The following TUBB3 variants were observed in gnomAD, a reference collection of about 807,000 sequenced individuals.
TUBB3 encodes tubulin beta 3 class III, also known as tubulin beta-3 chain.
A neutral mutation model predicts 37.8 loss-of-function variants in TUBB3; 17 were observed. That is an observed-to-expected ratio of 0.45 (90% CI 0.31 to 0.67). The LOEUF (loss-of-function observed/expected upper bound fraction) is 0.67. Ranked by LOEUF, TUBB3 falls within the 30% of genes least tolerant of loss-of-function variation. TUBB3 has a pLI of 0.07. For synonymous variants in TUBB3, 332 were observed against 278.9 expected, an observed-to-expected ratio of 1.19 and a Z score of -1.90; for missense variants, 262 against 657.9, an observed-to-expected ratio of 0.40 and a Z score of 6.58.
chr16:89,922,220 C>G (rs2029907141), upstream of TUBB3: 2 of 152,382 alleles, frequency 1.3e-5, no homozygotes, highest in Admixed American at 1.3e-4. Context: ...GCCCTGTGCA[C>G]ACAGACCGGA....
chr16:89,931,665 C>G (rs1052727571), intron 1 of TUBB3: 1 of 167,132 alleles, frequency 6.0e-6, no homozygotes, highest in African/African-American at 2.4e-5. Flanking sequence ...CTCCTGTCAT[C>G]GTGCCCATTG....
chr16:89,935,290 A>T lies in TUBB3; in HGVS notation c.839A>T (p.Gln280Leu), dbSNP rs766694593. 2 of 1,613,720 alleles carry T rather than the reference A, an allele frequency of 1.2e-6. No homozygotes were observed. Among genetic ancestry groups the T allele is most frequent in the East Asian group, 4.5e-5 (2 of 44,878 alleles). The change falls in exon 4 of 4, where the codon CAG (glutamine) becomes CTG (leucine). Residue 280 changes from glutamine (Q) to leucine (L), a missense_variant. Physicochemically the swap from Gln to Leu is moderately radical, Grantham distance 113. Around this residue, in one of 3 missense-constraint regions of TUBB3, gnomAD observed 165 missense variants for 556.8 expected, o/e 0.30. Coordinates refer to ENST00000315491, the MANE Select transcript of TUBB3 (RefSeq NM_006086.4). ...CCCCTCACAGCCCGGGGCAGCCAGC[A>T]GTACCGGGCCCTGACCGTGCCCGAG... ...FAPLTARGSQ[Q>L]YRALTVPELT...
intron 1 of TUBB3, among the ~76,000 whole-genome samples, chr16:89,923,783 G>A (rs2029971121): frequency 6.6e-6 from 1 of 152,162 alleles, no homozygotes; most frequent in Admixed American, 6.5e-5. Flanking sequence ...GCCCTGTCTG[G>A]GCGTGGCCCT....
chr16:89,932,508 G>A (rs1464342428), intron 1 of TUBB3, 63 bp from the exon 2 acceptor site: 2 of 1,427,096 alleles, frequency 1.4e-6, no homozygotes, highest in South Asian at 2.3e-5. Flanking sequence ...GGCTTCACAA[G>A]GGAAAGGGCC....
intron 1 of TUBB3, among the ~76,000 whole-genome samples, chr16:89,925,080 C>G (rs1021344220): frequency 6.6e-6 from 1 of 152,210 alleles, no homozygotes; most frequent in African/African-American, 2.4e-5. Context: ...TGTGGTCCCA[C>G]AAGGCACTTG....
At chr16:89,923,930 G>A (rs940546177) in intron 1 of TUBB3, among the ~76,000 whole-genome samples, 1 of 152,130 alleles carries the variant, frequency 6.6e-6, no homozygotes, top group Non-Finnish European at 1.5e-5. Flanking sequence ...CCCCCGAGAG[G>A]CTAGAGCCGC....
chr16:89,927,612 C>T (rs895326582), intron 1 of TUBB3, among the ~76,000 whole-genome samples: 10 of 152,162 alleles, frequency 6.6e-5, no homozygotes, highest in Admixed American at 6.5e-4. Context: ...GGTTTTAAAA[C>T]TTTAAATAGT....
chr16:89,928,070 G>GT (rs1290132981), intron 1 of TUBB3, among the ~76,000 whole-genome samples: 35 of 149,476 alleles, frequency 2.3e-4, no homozygotes, highest in African/African-American at 7.8e-4. Flanking sequence ...GGACCTTTCT[G>GT]TATTTTTTTT....
chr16:89,924,850 C>T (rs1328900886), intron 1 of TUBB3, among the ~76,000 whole-genome samples: 2 of 151,992 alleles, frequency 1.3e-5, no homozygotes, highest in Non-Finnish European at 2.9e-5. Flanking sequence ...TGACAGCTGC[C>T]TTGGCCTGAT....
At chr16:89,934,313 TG>T (rs1356989363) in intron 3 of TUBB3, 3 of 475,874 alleles carry the variant, frequency 6.3e-6, no homozygotes, top group Admixed American at 4.6e-5. Flanking sequence ...GCTTCACTTC[TG>T]CCTTCCCGAC....
intron 1 of TUBB3, among the ~76,000 whole-genome samples, chr16:89,928,794 G>C (rs1380682475): frequency 1.3e-5 from 2 of 152,012 alleles, no homozygotes; most frequent in Admixed American, 1.3e-4. Context: ...AAAGTGCTAG[G>C]ACCACAGACA....
intron 1 of TUBB3, among the ~76,000 whole-genome samples, chr16:89,924,743 CCCAAGGAGACAGCTGTGCCTG>C (rs2030013727): frequency 6.6e-6 from 1 of 152,128 alleles, no homozygotes; most frequent in African/African-American, 2.4e-5. Flanking sequence ...ACTCTAATCA[CCCAAGGAGACAGCTGTGCCTG>C]CCAAGGAGAG....
intron 1 of TUBB3, among the ~76,000 whole-genome samples, chr16:89,930,915 C>T (rs754963074): frequency 6.6e-6 from 1 of 151,786 alleles, no homozygotes; most frequent in African/African-American, 2.4e-5. Context: ...GCAAGCTCCA[C>T]CTCCTGGGTT....
intron 1 of TUBB3, among the ~76,000 whole-genome samples, chr16:89,927,042 A>G (rs1021118098): frequency 6.6e-6 from 1 of 152,104 alleles, no homozygotes; most frequent in East Asian, 1.9e-4. Flanking sequence ...AGTGATGTTA[A>G]CAATTTAGTT....
chr16:89,931,859 T>A (rs1202855530), intron 1 of TUBB3: 1 of 409,334 alleles, frequency 2.4e-6, no homozygotes, highest in African/African-American at 2.1e-5. Flanking sequence ...GGGAGAGAGG[T>A]GGAGGTGGCA....
chr16:89,922,381 G>A (rs2029911502), upstream of TUBB3: 1 of 152,436 alleles, frequency 6.6e-6, no homozygotes, highest in Non-Finnish European at 1.5e-5. Context: ...CTTGTTCTAA[G>A]GTGGTGGCAC....
At chr16:89,933,859 C>T in intron 3 of TUBB3, 1 of 688,646 alleles carries the variant, frequency 1.5e-6, no homozygotes, top group Non-Finnish European at 2.7e-6. Flanking sequence ...ACGGGGCCTC[C>T]AGAGGACTCC....
intron 1 of TUBB3, chr16:89,931,880 G>A: frequency 2.4e-6 from 1 of 410,554 alleles, no homozygotes. Flanking sequence ...GGTAGAGAGA[G>A]GACGACCCCT....
chr16:89,924,351 C>T (rs1255396665), intron 1 of TUBB3, among the ~76,000 whole-genome samples: 2 of 152,138 alleles, frequency 1.3e-5, no homozygotes, highest in Admixed American at 1.3e-4. Context: ...GAGAGCTGGG[C>T]TGGCCCTTGG....
Sources: allele counts gnomAD v4.1 joint callset (sites outside exome capture counted in the v4.1 genomes callset), GRCh38; gene constraint gnomAD v4.1.1; regional missense constraint gnomAD v4.1.1; transcripts MANE v1.5; gene names NCBI Gene and HGNC (gene_info 2026-07-23, HGNC 2026-07-21).